Variants in CSRP1 observed in about 807,000 individuals in gnomAD.
CSRP1 encodes cysteine and glycine rich protein 1, also known as cysteine and glycine-rich protein 1.
A neutral mutation model predicts 25.4 loss-of-function variants in CSRP1; 16 were observed. The ratio of observed to expected loss-of-function variants is 0.63; its 90% confidence interval spans 0.43 to 0.96. The LOEUF (loss-of-function observed/expected upper bound fraction) is 0.96. Ranked by LOEUF, CSRP1 falls within the 40% of genes least tolerant of loss-of-function variation. The probability of loss-of-function intolerance (pLI) is 0.00; values close to 1 mark genes in which losing one functional copy is unlikely to be tolerated. For synonymous variants in CSRP1, 97 were observed against 95.3 expected (o/e 1.02, Z -0.10); for missense variants, 212 against 243.6 (o/e 0.87, Z 0.86).
intron 2 of CSRP1, among the ~76,000 whole-genome samples, chr1:201,493,901 C>T (rs1253984337): frequency 3.9e-5 from 6 of 152,202 alleles, no homozygotes; most frequent in Non-Finnish European, 8.8e-5. Flanking sequence ...TGTCAGGAAC[C>T]CACTTTGTGC....
intron 2 of CSRP1, among the ~76,000 whole-genome samples, chr1:201,494,098 A>G (rs1280069023): frequency 6.6e-6 from 1 of 151,438 alleles, no homozygotes; most frequent in African/African-American, 2.4e-5. Flanking sequence ...GCACCCCGCC[A>G]AGAGCCCTGC....
At chr1:201,485,531 C>T (rs1396226587) in intron 4 of CSRP1, 155 bp from the exon 5 acceptor site, 1 of 654,154 alleles carries the variant, frequency 1.5e-6, no homozygotes, top group African/African-American at 1.8e-5. Flanking sequence ...GCCTATGGTG[C>T]AAGGCAGTAG....
At chr1:201,504,893 G>T (rs1222046754) in intron 1 of CSRP1, among the ~76,000 whole-genome samples, 1 of 152,002 alleles carries the variant, frequency 6.6e-6, no homozygotes, top group Non-Finnish European at 1.5e-5. Flanking sequence ...GAGGTCAGGA[G>T]TTCAAAAACA....
At chr1:201,505,196 T>C (rs914468723) in intron 1 of CSRP1, among the ~76,000 whole-genome samples, 10 of 152,164 alleles carry the variant, frequency 6.6e-5, no homozygotes, top group African/African-American at 2.2e-4. Context: ...TAGTAACTAT[T>C]TGCAAGGTTT....
At chr1:201,490,710 G>T in intron 2 of CSRP1, 1 of 180,984 alleles carries the variant, frequency 5.5e-6, no homozygotes, top group Non-Finnish European at 1.2e-5. Context: ...TCCTCACTCT[G>T]CCCTCAACAG....
rs1213810082 is a variant in CSRP1 at position 201,490,430 on chromosome 1, C to T, written c.113-86G>A. 2.9e-6 allele frequency: 4 copies of T among 1,380,864 alleles called. No individual in the cohort carries two copies. In the South Asian group the frequency reaches 3.8e-5, roughly 13 times the overall value. 85.5% of individuals were successfully genotyped at this position (1,380,864 alleles called of 1,614,324 possible). A position where few individuals can be genotyped will look rare whatever the true frequency, so the allele number is the denominator to read the frequency against. ...TTGCAAGCTTCTTACAGCTGAAGCTCTCTGGCCTCTTTGCATACATAATAT... is the reference window on the plus strand; with the variant it reads ...TTGCAAGCTTCTTACAGCTGAAGCTTTCTGGCCTCTTTGCATACATAATAT... On this transcript the variant is annotated intron_variant, in intron 2 of 5. Transcript: ENST00000340006.
intron 2 of CSRP1, chr1:201,491,990 C>T (rs1664353707): frequency 6.6e-6 from 1 of 152,194 alleles, no homozygotes; most frequent in South Asian, 2.1e-4. Flanking sequence ...CATCTCATTC[C>T]AGCACTCTGG....
Position 201,484,557 on chromosome 1 carries a change from C to A in CSRP1, c.*156G>T, listed in dbSNP as rs1182239829. ...TAGTGGGGTGGGACCTCAGGCAGAC[C>A]CCCAAACCAAAGGGAGCCAGATGCC... is the stretch of plus-strand genomic sequence containing the variant. On this transcript the variant is annotated 3_prime_UTR_variant, in exon 6 of 6. Coordinates refer to ENST00000340006, the MANE Select transcript of CSRP1 (RefSeq NM_004078.3). 3 of 724,532 alleles carry A rather than the reference C, an allele frequency of 4.1e-6. No homozygotes were observed. Among genetic ancestry groups the A allele is most frequent in the Middle Eastern group, 3.2e-4 (1 of 3,098 alleles). 44.9% of individuals were successfully genotyped at this position (724,532 alleles called of 1,614,324 possible).
intron 4 of CSRP1, chr1:201,485,657 AAC>A: frequency 2.3e-6 from 1 of 443,958 alleles, no homozygotes. Context: ...GGGTGGGTTT[AAC>A]ACCAAAGTAG....
intron 3 of CSRP1, 140 bp from the exon 4 acceptor site, chr1:201,489,124 C>G (rs1440622703): frequency 9.6e-7 from 1 of 1,043,008 alleles, no homozygotes; most frequent in African/African-American, 1.6e-5. Context: ...AGGCTAGGGC[C>G]TCTAGGGTCA....
Position 201,490,315 on chromosome 1 carries a change from T to A in CSRP1, c.142A>T (p.Thr48Ser), listed in dbSNP as rs1207956043. ...ATCTCCTCACCATGCACGGCCACAG[T>A]GGTACTGTCCAGATTCTTCTTGCAG... ...MVCKKNLDSTTVAVHGEEIYC... is the reference protein window; with the variant it reads ...MVCKKNLDSTSVAVHGEEIYC... The change falls in exon 3 of 6, where the codon ACT (threonine) becomes TCT (serine). Residue 48 changes from threonine (T) to serine (S), a missense_variant. Physicochemically the swap from Thr to Ser is moderately conservative, Grantham distance 58. Coordinates refer to ENST00000340006, the MANE Select transcript of CSRP1 (RefSeq NM_004078.3). 2 of 1,614,156 alleles carry A rather than the reference T, an allele frequency of 1.2e-6. No individual in the cohort carries two copies. The highest frequency in any genetic ancestry group is 1.3e-5 in the African/African-American group (1 of 75,034).
In CSRP1 at chr1:201,484,759, C is replaced by G. The variant is rs1231421538; in HGVS notation, c.536G>C (p.Gly179Ala). The change falls in exon 6 of 6, where the codon GGC (glycine) becomes GCC (alanine). Residue 179 changes from glycine to alanine, a missense_variant. Gly to Ala is a moderately conservative substitution (Grantham distance 60, BLOSUM62 0). Coordinates refer to ENST00000340006, the MANE Select transcript of CSRP1 (RefSeq NM_004078.3). ...CCCAGCTCCTTGCCCAAAACCAAAG[C>G]CCTTGGGCCCGAAGTTTTTAGCATA... The part of the protein sequence containing the change: ...GCYAKNFGPK[G>A]FGFGQGAGAL... 1.9e-6 allele frequency: 3 copies of G among 1,612,028 alleles called. No homozygotes were observed. Among genetic ancestry groups the G allele is most frequent in the Admixed American group, 1.7e-5 (1 of 59,890 alleles).
At chr1:201,500,851 A>G (rs1235800315) in intron 1 of CSRP1, among the ~76,000 whole-genome samples, 1 of 152,220 alleles carries the variant, frequency 6.6e-6, no homozygotes, top group Non-Finnish European at 1.5e-5. Flanking sequence ...GAGTTCATGG[A>G]GTGCCTTAGA....
At chr1:201,494,979 G>A (rs146816133) in intron 2 of CSRP1, among the ~76,000 whole-genome samples, 1,721 of 152,270 alleles carry the variant, frequency 0.011, 17 homozygotes, top group Middle Eastern at 0.031. Flanking sequence ...TACCTCCTCC[G>A]TAATAATGAG....
Position 201,490,182 on chromosome 1 carries a change from T to C in CSRP1, c.275A>G (p.His92Arg). Reference protein sequence around the residue: ...TDKGESLGIKHEEAPGHRPTT... With the variant: ...TDKGESLGIKREEAPGHRPTT... ...GAGGGGATCTTTTACTCACTCCTCG[T>C]GCTTGATACCCAGCGACTCCCCCTT... Residue 92 changes from histidine (H) to arginine (R), a missense_variant, in exon 3 of 6, where the codon CAC becomes CGC. By Grantham distance (29) the His-to-Arg change is conservative. Coordinates refer to ENST00000340006, the MANE Select transcript of CSRP1 (RefSeq NM_004078.3). 6.2e-7 allele frequency: 1 copy of C among 1,613,388 alleles called. No individual in the cohort carries two copies. Among genetic ancestry groups the C allele is most frequent in the South Asian group, 1.1e-5 (1 of 91,078 alleles).
chr1:201,488,206 A>G (rs1450367720), intron 4 of CSRP1: 1 of 152,218 alleles, frequency 6.6e-6, no homozygotes. Flanking sequence ...ATCTGAAGGA[A>G]GTGATCAGCT....
intron 4 of CSRP1, chr1:201,487,348 G>A (rs1191798795): frequency 1.3e-5 from 2 of 157,850 alleles, no homozygotes; most frequent in African/African-American, 4.8e-5. Flanking sequence ...GGAAGGCAGA[G>A]TGCTAAGATC....
At chr1:201,505,468 T>C (rs925160179) in intron 1 of CSRP1, among the ~76,000 whole-genome samples, 17 of 150,672 alleles carry the variant, frequency 1.1e-4, no homozygotes, top group African/African-American at 4.2e-4. Context: ...AGCAGGCCAA[T>C]TGCAGAGTTG....
At chr1:201,499,496 C>A (rs1278830061) in intron 1 of CSRP1, among the ~76,000 whole-genome samples, 2 of 152,198 alleles carry the variant, frequency 1.3e-5, no homozygotes, top group Non-Finnish European at 2.9e-5. Flanking sequence ...TACAGACCCA[C>A]ACAAGCTCTC....
Sources: allele counts gnomAD v4.1 joint callset (sites outside exome capture counted in the v4.1 genomes callset), GRCh38; gene constraint gnomAD v4.1.1; transcripts MANE v1.5; gene names NCBI Gene and HGNC (gene_info 2026-07-23, HGNC 2026-07-21).